ZNF408: variants seen among roughly 807,000 people sequenced by gnomAD.
The protein encoded by ZNF408 is PR domain zinc finger protein 17.
In ZNF408, 24 loss-of-function variants were observed where a neutral mutation model predicts 27.6. The observed-to-expected ratio is 0.87, with a 90% CI of 0.63 to 1.22. The LOEUF is 1.22. Among genes scored for constraint, ZNF408 ranks in the 50% most tolerant of loss-of-function variants. The pLI, the probability that ZNF408 is intolerant of heterozygous loss-of-function variation, is 0.00. For synonymous variants in ZNF408, 410 were observed against 396.1 expected (o/e 1.04, Z -0.42); for missense variants, 897 against 949.0 (o/e 0.95, Z 0.72).
chr11:46,702,538 A>T (rs1410961598), intron 2 of ZNF408, among the ~76,000 whole-genome samples, 166 bp from the exon 3 acceptor site: 1 of 152,220 alleles, frequency 6.6e-6, no homozygotes, highest in Non-Finnish European at 1.5e-5. Context: ...TCCTTACTGA[A>T]TGAAGAATCA....
In ZNF408 at chr11:46,705,834, G is replaced by C. The variant is rs1234320114; in HGVS notation, c.2134G>C (p.Glu712Gln). ...GGACATGGGCCTCGGCGCCTGGGCA[G>C]AGGTGGTGGAGGTGGAGATGGGCAC... Reference protein sequence around the residue: ...HKDMGLGAWAEVVEVEMGT With the variant: ...HKDMGLGAWAQVVEVEMGT The change falls in exon 5 of 5, where the codon GAG becomes CAG. Residue 712 changes from glutamate to glutamine, a missense_variant. Transcript: ENST00000311764. This position sits in a 1 kb window ranked among gnomAD's most constrained non-coding sequence, Gnocchi z 6.5. 7.4e-6 allele frequency: 12 copies of C among 1,612,316 alleles called. No individual in the cohort carries two copies. The highest frequency in any genetic ancestry group is 1.1e-5 in the South Asian group (1 of 90,672).
rs776844216 is a variant in ZNF408, at chr11:46,701,437, C to G, written c.91C>G (p.Pro31Ala). 3.1e-6 allele frequency: 5 copies of G among 1,613,900 alleles called. No homozygotes were observed. In the African/African-American group the frequency reaches 6.7e-5, roughly 22 times the overall value. Residue 31 changes from proline (P) to alanine (A), a missense_variant, in exon 2 of 5, where the codon CCT (proline) becomes GCT (alanine). Physicochemically the swap from Pro to Ala is conservative, Grantham distance 27. Transcript: ENST00000311764. ...CCTGGGCCTGGACTTAGGATGGAACCCTTCCGGAGAAGGCTGTACGCAGGG... is the reference window on the plus strand; with the variant it reads ...CCTGGGCCTGGACTTAGGATGGAACGCTTCCGGAGAAGGCTGTACGCAGGG... ...PRLGLDLGWN[P>A]SGEGCTQGLK...
At position 46,705,618 on chromosome 11, in the gene ZNF408, G is replaced by T; in HGVS notation, c.1918G>T (p.Val640Leu). ...RPEAPCSPPS[V>L]PSAASEPTVV... ...TGAGGCACCCTGCAGCCCACCCTCTGTGCCTTCTGCTGCTTCTGAGCCCAC... is the reference window on the plus strand; with the variant it reads ...TGAGGCACCCTGCAGCCCACCCTCTTTGCCTTCTGCTGCTTCTGAGCCCAC... Residue 640 changes from valine to leucine, a missense_variant, in exon 5 of 5, where the codon GTG (valine) becomes TTG (leucine). Transcript: ENST00000311764. This position sits in a 1 kb window ranked among gnomAD's most constrained non-coding sequence, Gnocchi z 6.5. 1 of 1,612,284 alleles carries T rather than the reference G, an allele frequency of 6.2e-7. No individual in the cohort carries two copies. The highest frequency in any genetic ancestry group is 1.1e-5 in the South Asian group (1 of 91,086).
chr11:46,702,646 T>A lies in ZNF408; in HGVS notation c.331-58T>A, dbSNP rs2064718220. On this transcript the variant is annotated intron_variant, in intron 2 of 4. Coordinates refer to ENST00000311764, the MANE Select transcript of ZNF408 (RefSeq NM_024741.3). ...GGAAAGTTTCATCTAGTTTCTTTTT[T>A]TATTCCTACCCGACCCCTCGAACAC... The A allele has an allele frequency of 1.9e-6, 3 of 1,556,102 alleles. No individual in the cohort carries two copies. The East Asian group carries it at 6.8e-5, about 35-fold the overall frequency.
chr11:46,704,507 A>C lies in ZNF408; in HGVS notation c.807A>C (p.Ala269=). 1 of 1,613,960 alleles carries C rather than the reference A, an allele frequency of 6.2e-7. No individual in the cohort carries two copies. Among genetic ancestry groups the C allele is most frequent in the East Asian group, 2.2e-5 (1 of 44,858 alleles). The change falls in exon 5 of 5, where the codon GCA becomes GCC. Residue 269 remains alanine, a synonymous_variant. Transcript: ENST00000311764. ...TGGATGAGGAATGCCCGGCCCAGGC[A>C]CAGATGCCACCTGAACTTCAGAGCA... ...GDVDEECPAQ[A]QMPPELQSNS... is the part of the protein sequence containing the mutation.
intron 4 of ZNF408, among the ~76,000 whole-genome samples, chr11:46,703,757 TGTTGTTG>T (rs2064728364): frequency 3.1e-5 from 4 of 130,462 alleles, no homozygotes; most frequent in African/African-American, 1.2e-4. Flanking sequence ...TTGTTGTTGT[TGTTGTTG>T]TTGTTGTTTT....
rs1234091892 is a variant in ZNF408, at chr11:46,705,251, C to T, written c.1551C>T (p.Leu517=). 6.2e-7 allele frequency: 1 copy of T among 1,612,108 alleles called. No homozygotes were observed. Among genetic ancestry groups the T allele is most frequent in the Non-Finnish European group, 8.5e-7 (1 of 1,179,892 alleles). The change falls in exon 5 of 5, where the codon CTC becomes CTT. Residue 517 remains leucine (L), a synonymous_variant. Transcript: ENST00000311764. The surrounding 1 kb of genome is among the most constrained non-coding windows in gnomAD (Gnocchi z 6.5). The part of the protein sequence containing the change: ...QRGNLRGHLR[L]HTGERPYRCP... ...GCAACCTGCGTGGGCATTTGCGGCTCCACACCGGGGAGCGTCCTTACCGCT... is the reference window on the plus strand; with the variant it reads ...GCAACCTGCGTGGGCATTTGCGGCTTCACACCGGGGAGCGTCCTTACCGCT...
intron 1 of ZNF408, 148 bp from the exon 2 acceptor site, chr11:46,701,251 C>T: frequency 6.4e-7 from 1 of 1,554,698 alleles, no homozygotes; most frequent in Admixed American, 1.8e-5. Context: ...GCCCTTGAGC[C>T]TCCTCAAAAC....
At position 46,701,821 on chromosome 11, in the gene ZNF408, C is replaced by T; in HGVS notation, c.330+145C>T. The T allele has an allele frequency of 5.7e-6, 6 of 1,050,776 alleles. No individual in the cohort carries two copies. In the South Asian group the frequency reaches 1.0e-4, roughly 17 times the overall value. The allele number at this position is 1,050,776 out of a possible 1,614,324, so 65.1% of individuals were successfully genotyped here. A position where few individuals can be genotyped will look rare whatever the true frequency, so the allele number is the denominator to read the frequency against. On this transcript the variant is annotated intron_variant, in intron 2 of 4. Transcript: ENST00000311764. The stretch of plus-strand genomic sequence containing the variant: ...TCCCTTCTCTTCAGGACTGTCTCCT[C>T]TCAGCAGCAGTAGTTAAAGAATCGA...
At chr11:46,702,658 G>A (rs371090889) in intron 2 of ZNF408, 46 bp from the exon 3 acceptor site, 37 of 1,582,972 alleles carry the variant, frequency 2.3e-5, no homozygotes, top group African/African-American at 9.5e-5. Flanking sequence ...ATTCCTACCC[G>A]ACCCCTCGAA....
chr11:46,701,561 G>A lies in ZNF408; in HGVS notation c.215G>A (p.Arg72His). The A allele has an allele frequency of 2.5e-6, 4 of 1,613,516 alleles. No homozygotes were observed. Among genetic ancestry groups the A allele is most frequent in the Non-Finnish European group, 3.4e-6 (4 of 1,179,994 alleles). ...ALGPSLAKEQ[R>H]LGVWCVGDPL... ...GGCCCCTCACTCGCCAAGGAACAGC[G>A]CTTGGGGGTCTGGTGTGTCGGGGAC... The change falls in exon 2 of 5, where the codon CGC becomes CAC. Residue 72 changes from arginine to histidine, a missense_variant. Coordinates refer to ENST00000311764, the MANE Select transcript of ZNF408 (RefSeq NM_024741.3).
At position 46,705,891 on chromosome 11, in the gene ZNF408, CATA is replaced by C. The variant is rs756700899; in HGVS notation, c.*30_*32del. On this transcript the variant is annotated 3_prime_UTR_variant, in exon 5 of 5. Transcript: ENST00000311764. This position sits in a 1 kb window ranked among gnomAD's most constrained non-coding sequence, Gnocchi z 6.5. ...GCTTTGCCTTTTGCTGACACAGCTC[CATA>C]AAGACTCGTGCTTTCTCACTGCTGC... 3 of 1,593,242 alleles carry C rather than the reference CATA, an allele frequency of 1.9e-6. No homozygotes were observed. The highest frequency in any genetic ancestry group is 1.7e-6 in the Non-Finnish European group (2 of 1,169,934).
In ZNF408 at chr11:46,705,232, T is replaced by C. The variant is rs2064742747; in HGVS notation, c.1532T>C (p.Leu511Pro). 1.2e-6 allele frequency: 2 copies of C among 1,612,100 alleles called. No homozygotes were observed. Among genetic ancestry groups the C allele is most frequent in the South Asian group, 1.1e-5 (1 of 91,066 alleles). ...CGRAFRQRGN[L>P]RGHLRLHTGE... ...CGGGCGTTTCGTCAGCGGGGCAACC[T>C]GCGTGGGCATTTGCGGCTCCACACC... is the stretch of plus-strand genomic sequence containing the variant. The change falls in exon 5 of 5, where the codon CTG becomes CCG. Residue 511 changes from leucine (L) to proline (P), a missense_variant. Transcript: ENST00000311764. The surrounding 1 kb of genome is among the most constrained non-coding windows in gnomAD (Gnocchi z 6.5).
chr11:46,701,194 T>A, intron 1 of ZNF408, 95 bp downstream of exon 1: 1 of 1,604,226 alleles, frequency 6.2e-7, no homozygotes, highest in Non-Finnish European at 8.5e-7. Flanking sequence ...CTCCTCCGGA[T>A]CCCAGGATCC....
Position 46,704,940 on chromosome 11 carries a change from T to A in ZNF408, c.1240T>A (p.Cys414Ser). Reference sequence around the variant, plus strand: ...GGTGCGGCCCTTCCCCTGTCCACAATGCGACAAGGCCTATGGCACCCAGCG... The same window carrying A: ...GGTGCGGCCCTTCCCCTGTCCACAAAGCGACAAGGCCTATGGCACCCAGCG... The part of the protein sequence containing the change: ...RGVRPFPCPQ[C>S]DKAYGTQRDL... Residue 414 changes from cysteine (C) to serine (S), a missense_variant, in exon 5 of 5, where the codon TGC becomes AGC. Coordinates refer to ENST00000311764, the MANE Select transcript of ZNF408 (RefSeq NM_024741.3). The A allele has an allele frequency of 6.2e-7, 1 of 1,613,510 alleles. No individual in the cohort carries two copies. Among genetic ancestry groups the A allele is most frequent in the Non-Finnish European group, 8.5e-7 (1 of 1,179,990 alleles).
intron 3 of ZNF408, 82 bp downstream of exon 3, chr11:46,702,847 T>C: frequency 6.3e-7 from 1 of 1,598,410 alleles, no homozygotes. Context: ...TGTCATTTCC[T>C]ATTCAGTGCT....
At chr11:46,702,411 A>T (rs1048852760) in intron 2 of ZNF408, among the ~76,000 whole-genome samples, 6 of 152,196 alleles carry the variant, frequency 3.9e-5, no homozygotes, top group Non-Finnish European at 8.8e-5. Flanking sequence ...ATACCATTTT[A>T]AAAAGCTGGT....
Position 46,704,897 on chromosome 11 carries a change from T to C in ZNF408, c.1197T>C (p.His399=), listed in dbSNP as rs746347331. ...GCTCAGAGGAGAGCTTCAAAGCCCA[T>C]ATGCTGGGCCACCGTGGGGTGCGGC... is the stretch of plus-strand genomic sequence containing the variant. The part of the protein sequence containing the change: ...SYSSEESFKA[H]MLGHRGVRPF... The change falls in exon 5 of 5, where the codon CAT becomes CAC. Residue 399 remains histidine, a synonymous_variant. Transcript: ENST00000311764. 12 of 1,612,008 alleles carry C rather than the reference T, an allele frequency of 7.4e-6. No homozygotes were observed. Among genetic ancestry groups the C allele is most frequent in the Non-Finnish European group, 1.0e-5 (12 of 1,179,292 alleles).
chr11:46,704,603 G>C lies in ZNF408; in HGVS notation c.903G>C (p.Pro301=). ...SFSSSARGTQ[P]HGYLAKKLHS... is the part of the protein sequence containing the mutation. Reference sequence around the variant, plus strand: ...CATCTTCTGCCAGGGGCACCCAGCCGCATGGCTACCTGGCCAAGAAGTTAC... The same window carrying C: ...CATCTTCTGCCAGGGGCACCCAGCCCCATGGCTACCTGGCCAAGAAGTTAC... The change falls in exon 5 of 5, where the codon CCG becomes CCC. Residue 301 remains proline, a synonymous_variant. Coordinates refer to ENST00000311764, the MANE Select transcript of ZNF408 (RefSeq NM_024741.3). 1 of 1,613,812 alleles carries C rather than the reference G, an allele frequency of 6.2e-7. No individual in the cohort carries two copies. Among genetic ancestry groups the C allele is most frequent in the Non-Finnish European group, 8.5e-7 (1 of 1,179,968 alleles).
Sources: allele counts gnomAD v4.1 joint callset (sites outside exome capture counted in the v4.1 genomes callset), GRCh38; gene constraint gnomAD v4.1.1; non-coding constraint Gnocchi (gnomAD v3.1); transcripts MANE v1.5; gene names NCBI Gene and HGNC (gene_info 2026-07-23, HGNC 2026-07-21).